Variants in BEND2 observed in about 807,000 individuals in gnomAD.
BEND2 encodes the protein BEN domain-containing protein 2.
A neutral mutation model predicts 43.8 loss-of-function variants in BEND2; 19 were observed. The observed-to-expected ratio is 0.43, with a 90% CI of 0.30 to 0.64. The LOEUF is 0.64. Among genes scored for constraint, BEND2 ranks in the 30% least tolerant of loss-of-function variants. The pLI, the probability that BEND2 is intolerant of heterozygous loss-of-function variation, is 0.11. For synonymous variants in BEND2, 226 were observed against 210.1 expected, an observed-to-expected ratio of 1.08 and a Z score of -0.66; for missense variants, 544 against 574.0, an observed-to-expected ratio of 0.95 and a Z score of 0.53.
intron 1 of BEND2, among the ~76,000 whole-genome samples, chrX:18,218,148 C>T (rs1353457906): frequency 9.1e-6 from 1 of 109,435 alleles, no homozygotes; most frequent in African/African-American, 3.3e-5. Flanking sequence ...AGCATGTTCC[C>T]AAAGAAAATG....
chrX:18,198,945 C>A (rs1199516975), intron 6 of BEND2, among the ~76,000 whole-genome samples: 1 of 104,415 alleles, frequency 9.6e-6, no homozygotes, highest in Non-Finnish European at 1.9e-5. Context: ...AGTAAACTAT[C>A]ACAAGGACAA....
Position 18,174,045 on chromosome X carries a change from G to T in BEND2, c.1966C>A (p.Pro656Thr). The T allele has an allele frequency of 2.5e-6, 3 of 1,205,801 alleles. No individual in the cohort carries two copies. The highest frequency in any genetic ancestry group is 1.8e-5 in the South Asian group (1 of 56,142). ...AAAAACTCACTCCATGCTTCACCAG[G>T]TTCCTCTGGATTATCAGTGGAAGGT... ...REPSTDNPEE[P>T]GEAWSYFGRP... Residue 656 changes from proline (P) to threonine (T), a missense_variant, in exon 12 of 14, where the codon CCT (proline) becomes ACT (threonine). Pro to Thr is a conservative substitution (Grantham distance 38). Transcript: ENST00000380033.
intron 8 of BEND2, among the ~76,000 whole-genome samples, chrX:18,184,033 C>T (rs936110124): frequency 5.4e-5 from 6 of 111,475 alleles, no homozygotes; most frequent in African/African-American, 1.3e-4. Flanking sequence ...AGCCAGGTAG[C>T]GGTTACAGCG....
In BEND2 at chrX:18,175,979, C is replaced by T; in HGVS notation, c.1745G>A (p.Ser582Asn). The T allele has an allele frequency of 1.7e-6, 2 of 1,189,112 alleles. No homozygotes were observed. Among genetic ancestry groups the T allele is most frequent in the Middle Eastern group, 2.4e-4 (1 of 4,253 alleles). The change falls in exon 11 of 14, where the codon AGT becomes AAT. Residue 582 changes from serine (S) to asparagine (N), a missense_variant. Coordinates refer to ENST00000380033, the MANE Select transcript of BEND2 (RefSeq NM_153346.5). ...AGATGAAAAATAACTTACTGGAGTACTCTTGCCTTCAGAACATAAACAGTA... is the reference window on the plus strand; with the variant it reads ...AGATGAAAAATAACTTACTGGAGTATTCTTGCCTTCAGAACATAAACAGTA... ...MIYCLCSEGK[S>N]TPKTVRKNKK...
intron 5 of BEND2, among the ~76,000 whole-genome samples, chrX:18,202,682 T>C: frequency 8.9e-6 from 1 of 112,042 alleles, no homozygotes. Flanking sequence ...TATTTTGTTA[T>C]AGTAACACAA....
At chrX:18,184,552 C>T (rs1386850940) in intron 8 of BEND2, among the ~76,000 whole-genome samples, 1 of 111,768 alleles carries the variant, frequency 8.9e-6, no homozygotes, top group Non-Finnish European at 1.9e-5. Flanking sequence ...ATCACCAAGG[C>T]GGCACCTCTA....
intron 12 of BEND2, among the ~76,000 whole-genome samples, chrX:18,171,844 C>T (rs1252175738): frequency 9.0e-6 from 1 of 111,584 alleles, no homozygotes; most frequent in African/African-American, 3.2e-5. Flanking sequence ...ACAAGAAGGA[C>T]TTTTTCAAAA....
intron 12 of BEND2, among the ~76,000 whole-genome samples, 155 bp downstream of exon 12, chrX:18,173,875 T>C (rs891919509): frequency 8.9e-6 from 1 of 112,112 alleles, no homozygotes; most frequent in Non-Finnish European, 1.9e-5. Context: ...AACTCATTAA[T>C]AAAAGACATT....
chrX:18,180,613 G>A lies in BEND2; in HGVS notation c.1326C>T (p.Thr442=), dbSNP rs1276283904. 2 of 1,210,014 alleles carry A rather than the reference G, an allele frequency of 1.7e-6. No individual in the cohort carries two copies. Among genetic ancestry groups the A allele is most frequent in the Non-Finnish European group, 1.1e-6 (1 of 894,315 alleles). ...LPLNILVKVD[T]NTENSVNTMN... ...TTGTGTTGACGCTGTTTTCCGTGTT[G>A]GTGTCTACTTTTACCAAAATATTCA... Residue 442 remains threonine (T), a synonymous_variant, in exon 9 of 14, where the codon ACC becomes ACT. Transcript: ENST00000380033.
At chrX:18,206,227 G>A (rs1925329611) in intron 4 of BEND2, among the ~76,000 whole-genome samples, 2 of 111,346 alleles carry the variant, frequency 1.8e-5, no homozygotes, top group African/African-American at 3.3e-5. Context: ...AGCATGCACA[G>A]AAGAGTGGGC....
chrX:18,192,879 C>T (rs1443238390), intron 7 of BEND2, among the ~76,000 whole-genome samples: 10 of 112,240 alleles, frequency 8.9e-5, no homozygotes, highest in Non-Finnish European at 3.8e-5. Flanking sequence ...GTGGCTCATG[C>T]CTGTAATCCC....
chrX:18,183,363 C>T (rs1173354031), intron 8 of BEND2, among the ~76,000 whole-genome samples: 1 of 111,840 alleles, frequency 8.9e-6, no homozygotes, highest in Non-Finnish European at 1.9e-5. Flanking sequence ...AAACAGCAAA[C>T]TCCTAAATAA....
Position 18,164,325 on chromosome X carries a change from A to G in BEND2, c.*684T>C, listed in dbSNP as rs956583068. Reference sequence around the variant, plus strand: ...CAGGTGTGAGCCACTACACCCGGTAAATTATCTACTTTTTAAGACCTTTGT... The same window carrying G: ...CAGGTGTGAGCCACTACACCCGGTAGATTATCTACTTTTTAAGACCTTTGT... On this transcript the variant is annotated 3_prime_UTR_variant, in exon 14 of 14. Coordinates refer to ENST00000380033, the MANE Select transcript of BEND2 (RefSeq NM_153346.5). The G allele has an allele frequency of 1.8e-5, 2 of 111,530 alleles. No homozygotes were observed. Among genetic ancestry groups the G allele is most frequent in the Admixed American group, 9.6e-5 (1 of 10,432 alleles). 9.2% of individuals were successfully genotyped at this position (111,530 alleles called of 1,213,427 possible).
chrX:18,190,947 C>A, intron 8 of BEND2, 54 bp downstream of exon 8: 2 of 1,033,750 alleles, frequency 1.9e-6, no homozygotes, highest in Non-Finnish European at 2.7e-6. Flanking sequence ...TCTCTGTATT[C>A]TTTCAATCTA....
At chrX:18,177,392 A>C (rs1450629379) in intron 10 of BEND2, among the ~76,000 whole-genome samples, 177 bp downstream of exon 10, 1 of 108,761 alleles carries the variant, frequency 9.2e-6, no homozygotes, top group East Asian at 2.9e-4. Flanking sequence ...ATTCTTTGGA[A>C]ATTGTTACCA....
At position 18,203,806 on chromosome X, in the gene BEND2, T is replaced by C. The variant is rs764104287; in HGVS notation, c.602A>G (p.Asp201Gly). Residue 201 changes from aspartate to glycine, a missense_variant, in exon 5 of 14, where the codon GAC (aspartate) becomes GGC (glycine). Physicochemically the swap from Asp to Gly is moderately conservative, Grantham distance 94. Around this residue, in one of 2 missense-constraint regions of BEND2, gnomAD observed 501 missense variants for 501.6 expected, o/e 1.00. Transcript: ENST00000380033. Reference protein sequence around the residue: ...SAACHELQEADLSESLSYPRI... With the variant: ...SAACHELQEAGLSESLSYPRI... ...GGGATATGATAAACTCTCACTGAGGTCTGCTTCCTGCAGTTCATGACATGC... is the reference window on the plus strand; with the variant it reads ...GGGATATGATAAACTCTCACTGAGGCCTGCTTCCTGCAGTTCATGACATGC... The C allele has an allele frequency of 8.3e-7, 1 of 1,210,903 alleles. No homozygotes were observed. Among genetic ancestry groups the C allele is most frequent in the Non-Finnish European group, 1.1e-6 (1 of 894,608 alleles).
At chrX:18,219,791 C>T (rs1311603495) in intron 1 of BEND2, among the ~76,000 whole-genome samples, 4 of 111,362 alleles carry the variant, frequency 3.6e-5, no homozygotes, top group Admixed American at 1.9e-4. Context: ...CTGTAGTCTC[C>T]GCTCCTCAGG....
intron 1 of BEND2, among the ~76,000 whole-genome samples, chrX:18,218,334 G>T (rs1371969357): frequency 9.0e-6 from 1 of 111,381 alleles, no homozygotes; most frequent in South Asian, 3.8e-4. Context: ...CTTTTCTGTC[G>T]ATTCTGTACA....
chrX:18,173,973 A>G, intron 12 of BEND2, 57 bp downstream of exon 12: 1 of 1,019,544 alleles, frequency 9.8e-7, no homozygotes, highest in Non-Finnish European at 1.3e-6. Context: ...CATCACTCAG[A>G]TTCAACATTT....
Sources: gnomAD v4.1 joint callset for allele counts (sites outside exome capture counted in the v4.1 genomes callset) on GRCh38, gnomAD v4.1.1 for gene constraint, gnomAD v4.1.1 regional missense constraint, MANE v1.5 for transcripts, NCBI Gene and HGNC (gene_info 2026-07-23, HGNC 2026-07-21) for gene names.